The following FNIP2 variants were observed in gnomAD, a reference collection of about 807,000 sequenced individuals.
The protein encoded by FNIP2 is folliculin interacting protein 2.
FNIP2 carries 32 observed loss-of-function variants against 108.7 expected under a neutral mutation model. The ratio of observed to expected loss-of-function variants is 0.29; its 90% CI spans 0.22 to 0.40. The LOEUF is 0.40. Ranked by LOEUF, FNIP2 falls within the 10% of genes least tolerant of loss-of-function variation. The probability of loss-of-function intolerance (pLI) is 1.00; values close to 1 mark genes in which losing one functional copy is unlikely to be tolerated. For synonymous variants in FNIP2, 480 were observed against 496.7 expected (o/e 0.97, Z 0.45); for missense variants, 1,202 against 1,381.6 (o/e 0.87, Z 2.06).
rs1778525757 is a variant in FNIP2, at chr4:158,832,212, G to T, written c.554+74G>T. ...TTTCTAGATAGACTAATTCTTTAAG[G>T]GCCATAAGGCATTTTGAAATGACAA... On this transcript the variant is annotated intron_variant, in intron 5 of 16. Coordinates refer to ENST00000264433, the MANE Select transcript of FNIP2 (RefSeq NM_020840.3). The T allele has an allele frequency of 2.6e-6, 3 of 1,171,544 alleles. No homozygotes were observed. In the African/African-American group the frequency reaches 4.6e-5, roughly 18 times the overall value. 72.6% of individuals were successfully genotyped at this position (1,171,544 alleles called of 1,614,324 possible).
At chr4:158,822,333 C>T (rs956057540) in intron 1 of FNIP2, among the ~76,000 whole-genome samples, 16 of 152,070 alleles carry the variant, frequency 1.1e-4, no homozygotes, top group African/African-American at 3.6e-4. Flanking sequence ...CAGGTGTGTA[C>T]CACCGTGCCC....
chr4:158,898,518 C>T (rs1782898637), intron 16 of FNIP2, among the ~76,000 whole-genome samples: 1 of 152,116 alleles, frequency 6.6e-6, no homozygotes, highest in Non-Finnish European at 1.5e-5. Flanking sequence ...TTTCCTTGAG[C>T]AGTGGTTTGC....
intron 1 of FNIP2, among the ~76,000 whole-genome samples, chr4:158,769,816 A>G (rs1578805349): frequency 6.6e-6 from 1 of 152,354 alleles, no homozygotes; most frequent in East Asian, 1.9e-4. Flanking sequence ...TCTCAAACGG[A>G]TGAATGAAAG....
In FNIP2 at chr4:158,876,010, C is replaced by T. The variant is rs74727650; in HGVS notation, c.2949+5541C>T. 2.8e-3 allele frequency among the ~76,000 whole-genome samples: 424 copies of T among 152,258 alleles called. 3 individuals carry two copies. The highest frequency in any genetic ancestry group is 9.7e-3 in the African/African-American group (403 of 41,538). ...GTGTGTATTTATACACATGTGCACA[C>T]ATGTCACACTTGTATGCATATGGCA... On this transcript the variant is annotated intron_variant, in intron 14 of 16. Transcript: ENST00000264433.
intron 14 of FNIP2, among the ~76,000 whole-genome samples, chr4:158,885,849 T>C (rs565959391): frequency 6.9e-4 from 105 of 152,368 alleles, no homozygotes; most frequent in African/African-American, 2.3e-3. Flanking sequence ...TGTCATCTTA[T>C]TGTTGCCCTT....
At chr4:158,774,397 ATTAT>A (rs1775794485) in intron 1 of FNIP2, among the ~76,000 whole-genome samples, 1 of 152,140 alleles carries the variant, frequency 6.6e-6, no homozygotes, top group African/African-American at 2.4e-5. Context: ...TAACTATTAG[ATTAT>A]TTAACTATTT....
chr4:158,897,978 A>AT (rs1171391924), intron 16 of FNIP2, among the ~76,000 whole-genome samples: 1 of 152,148 alleles, frequency 6.6e-6, no homozygotes, highest in Non-Finnish European at 1.5e-5. Flanking sequence ...TAGGTCTTAC[A>AT]TTTAAGTCTT....
At chr4:158,788,816 G>C (rs954770028) in intron 1 of FNIP2, among the ~76,000 whole-genome samples, 11 of 152,232 alleles carry the variant, frequency 7.2e-5, no homozygotes, top group Admixed American at 2.6e-4. Flanking sequence ...ACACTCACAG[G>C]ATTTCCTGGC....
intron 16 of FNIP2, among the ~76,000 whole-genome samples, 194 bp downstream of exon 16, chr4:158,896,059 A>C (rs1782643066): frequency 1.3e-5 from 2 of 152,238 alleles, no homozygotes; most frequent in African/African-American, 2.4e-5. Context: ...TGGGTTTCAC[A>C]CCTACAATCA....
chr4:158,896,296 A>G (rs1201555395), intron 16 of FNIP2, among the ~76,000 whole-genome samples: 1 of 152,122 alleles, frequency 6.6e-6, no homozygotes, highest in African/African-American at 2.4e-5. Flanking sequence ...TCTAGGCTTG[A>G]GGAGCCTGCC....
intron 8 of FNIP2, among the ~76,000 whole-genome samples, chr4:158,855,695 C>A (rs1779945203): frequency 6.6e-6 from 1 of 152,234 alleles, no homozygotes; most frequent in South Asian, 2.1e-4. Context: ...ATCCTCCCAC[C>A]TCGGCCTCCC....
Position 158,868,858 on chromosome 4 carries a change from G to T in FNIP2, c.2222G>T (p.Arg741Leu). 1 of 1,613,960 alleles carries T rather than the reference G, an allele frequency of 6.2e-7. No individual in the cohort carries two copies. Among genetic ancestry groups the T allele is most frequent in the South Asian group, 1.1e-5 (1 of 91,070 alleles). ...FESRMKKMEE[R>L]VKACGPSLEA... is the part of the protein sequence containing the mutation. The stretch of plus-strand genomic sequence containing the variant: ...AGCCGCATGAAAAAAATGGAGGAAC[G>T]GGTGAAGGCCTGTGGCCCCTCCTTG... Residue 741 changes from arginine (R) to leucine (L), a missense_variant, in exon 13 of 17, where the codon CGG (arginine) becomes CTG (leucine). Physicochemically the swap from Arg to Leu is moderately radical, Grantham distance 102. This residue lies in a region of FNIP2 where 878 missense variants were observed against 990.3 expected (regional missense o/e 0.89). Transcript: ENST00000264433. The surrounding 1 kb of genome is among the most constrained non-coding windows in gnomAD (Gnocchi z 4.6).
chr4:158,786,980 T>C (rs75081617), intron 1 of FNIP2, among the ~76,000 whole-genome samples: 33 of 145,412 alleles, frequency 2.3e-4, no homozygotes, highest in Non-Finnish European at 4.4e-4. Flanking sequence ...GGGTCTCAGC[T>C]TTTTTTTTTT....
intron 14 of FNIP2, chr4:158,872,075 C>CA (rs1370647633): frequency 1.0e-5 from 10 of 985,086 alleles, no homozygotes; most frequent in Non-Finnish European, 2.4e-6. Flanking sequence ...ACCTTCCTTC[C>CA]ATGAAGCCCA....
At chr4:158,818,292 A>C (rs573013546) in intron 1 of FNIP2, among the ~76,000 whole-genome samples, 21 of 152,364 alleles carry the variant, frequency 1.4e-4, no homozygotes, top group Admixed American at 5.9e-4. Context: ...ACAAGTTCAG[A>C]GCTACAACTA....
intron 1 of FNIP2, among the ~76,000 whole-genome samples, chr4:158,809,190 C>T (rs180913760): frequency 7.4e-4 from 112 of 152,224 alleles, no homozygotes; most frequent in Middle Eastern, 3.4e-3. Flanking sequence ...GGCATGGTGG[C>T]GTTCATGCCT....
At position 158,859,113 on chromosome 4, in the gene FNIP2, T is replaced by C. The variant is rs755482928; in HGVS notation, c.914T>C (p.Met305Thr). 2 of 1,614,016 alleles carry C rather than the reference T, an allele frequency of 1.2e-6. No homozygotes were observed. The highest frequency in any genetic ancestry group is 3.3e-5 in the Admixed American group (2 of 60,030). Reference sequence around the variant, plus strand: ...GAAACCTGTAGCTCTAATCCAGCTATGGTTAGGAGGAAGAAAATTGCCATA... The same window carrying C: ...GAAACCTGTAGCTCTAATCCAGCTACGGTTAGGAGGAAGAAAATTGCCATA... ...AEETCSSNPA[M>T]VRRKKIAISI... Residue 305 changes from methionine (M) to threonine (T), a missense_variant, in exon 9 of 17, where the codon ATG becomes ACG. Transcript: ENST00000264433.
intron 14 of FNIP2, chr4:158,872,660 T>C: frequency 1.0e-6 from 1 of 985,102 alleles, no homozygotes; most frequent in Non-Finnish European, 1.2e-6. Flanking sequence ...TAATTTCACT[T>C]GACACATTCA....
intron 1 of FNIP2, among the ~76,000 whole-genome samples, chr4:158,798,525 C>T (rs1430100570): frequency 6.6e-6 from 1 of 152,160 alleles, no homozygotes; most frequent in Non-Finnish European, 1.5e-5. Flanking sequence ...GAATATTTTT[C>T]TGAATTATTG....
Sources: gnomAD v4.1 joint callset for allele counts (sites outside exome capture counted in the v4.1 genomes callset) on GRCh38, gnomAD v4.1.1 for gene constraint, gnomAD v4.1.1 regional missense constraint, Gnocchi (gnomAD v3.1) non-coding constraint, MANE v1.5 for transcripts, NCBI Gene and HGNC (gene_info 2026-07-23, HGNC 2026-07-21) for gene names.